Variants in HK2 observed in about 807,000 individuals in gnomAD.
The protein encoded by HK2 is hexokinase-2.
HK2 carries 42 observed loss-of-function variants against 92.9 expected under a neutral mutation model. That is an observed-to-expected ratio of 0.45 (90% confidence interval 0.35 to 0.58). The LOEUF is 0.58. HK2 is among the 20% of genes least tolerant of loss of function. The probability of loss-of-function intolerance (pLI) is 0.00; values close to 1 mark genes in which losing one functional copy is unlikely to be tolerated. For missense variants in HK2, 978 were observed against 1,245.1 expected (o/e 0.79, Z 3.23); for synonymous variants, 422 against 468.0 (o/e 0.90, Z 1.27).
chr2:74,860,371 TACCA>T, intron 2 of HK2, among the ~76,000 whole-genome samples: 1 of 152,148 alleles, frequency 6.6e-6, no homozygotes, highest in Non-Finnish European at 1.5e-5. Context: ...TACAGAACAT[TACCA>T]TCACCCCAGA....
Position 74,854,360 on chromosome 2 carries a change from G to A in HK2, c.131G>A (p.Arg44His), listed in dbSNP as rs201380686. The change falls in exon 2 of 18, where the codon CGC becomes CAC. Residue 44 changes from arginine to histidine, a missense_variant. By Grantham distance (29) the Arg-to-His change is conservative (BLOSUM62 0). Coordinates refer to ENST00000290573, the MANE Select transcript of HK2 (RefSeq NM_000189.5). ...CTCTTGGAGATCTCTAAGCGGTTCC[G>A]CAAGGAGATGGAGAAAGGGCTTGGA... ...ETLLEISKRF[R>H]KEMEKGLGAT... 8.7e-6 allele frequency: 14 copies of A among 1,613,856 alleles called. No individual in the cohort carries two copies. The East Asian group carries it at 1.8e-4, about 21-fold the overall frequency.
chr2:74,877,014 C>A, intron 7 of HK2, 152 bp from the exon 8 acceptor site: 1 of 989,470 alleles, frequency 1.0e-6, no homozygotes, highest in Non-Finnish European at 1.6e-6. Flanking sequence ...CCCTCTGAGC[C>A]GTCACCTCTC....
At chr2:74,863,832 T>C (rs1268746122) in intron 2 of HK2, among the ~76,000 whole-genome samples, 1 of 152,166 alleles carries the variant, frequency 6.6e-6, no homozygotes, top group Non-Finnish European at 1.5e-5. Context: ...CAGGTCCCTT[T>C]AGGGGCATTA....
chr2:74,855,755 G>T (rs1222316302), intron 2 of HK2, among the ~76,000 whole-genome samples: 1 of 152,202 alleles, frequency 6.6e-6, no homozygotes, highest in East Asian at 1.9e-4. Context: ...TGGCAGTATA[G>T]GTAGAGTGGA....
At chr2:74,847,006 A>T (rs1688457894) in intron 1 of HK2, among the ~76,000 whole-genome samples, 1 of 152,228 alleles carries the variant, frequency 6.6e-6, no homozygotes, top group African/African-American at 2.4e-5. Flanking sequence ...AAGTTCAATC[A>T]GTTGGTCTTC....
At chr2:74,851,397 A>C (rs2103873556) in intron 1 of HK2, among the ~76,000 whole-genome samples, 1 of 152,370 alleles carries the variant, frequency 6.6e-6, no homozygotes, top group South Asian at 2.1e-4. Context: ...CTATGGGGCA[A>C]AAGGCAACGT....
chr2:74,874,367 G>C lies in HK2; in HGVS notation c.793G>C (p.Gly265Arg). ...MCINMEWGAF[G>R]DDGSLNDIRT... ...TATCAATATGGAGTGGGGGGCCTTC[G>C]GGGACGATGGCTCGCTCAACGACAT... The change falls in exon 7 of 18, where the codon GGG becomes CGG. Residue 265 changes from glycine to arginine, a missense_variant. Gly to Arg is a moderately radical substitution (Grantham distance 125). This residue lies in a region of HK2 where 742 missense variants were observed against 922.5 expected (regional missense o/e 0.80). Transcript: ENST00000290573. 6.2e-7 allele frequency: 1 copy of C among 1,613,990 alleles called. No individual in the cohort carries two copies. The highest frequency in any genetic ancestry group is 8.5e-7 in the Non-Finnish European group (1 of 1,179,942).
At chr2:74,863,335 G>A (rs920888384) in intron 2 of HK2, among the ~76,000 whole-genome samples, 1 of 152,196 alleles carries the variant, frequency 6.6e-6, no homozygotes, top group African/African-American at 2.4e-5. Context: ...GCTTAAAATG[G>A]TTTGAAAACA....
chr2:74,867,930 C>T, intron 3 of HK2, 146 bp downstream of exon 3: 2 of 897,578 alleles, frequency 2.2e-6, no homozygotes, highest in Non-Finnish European at 3.7e-6. Context: ...AGGGCTCCCT[C>T]TCAGCCGGAG....
chr2:74,840,878 C>CAAAAAAAAAAAAAA (rs56344068), intron 1 of HK2, among the ~76,000 whole-genome samples: 2 of 55,966 alleles, frequency 3.6e-5, no homozygotes, highest in African/African-American at 1.8e-4. Context: ...GACTCTGTCT[C>CAAAAAAAAAAAAAA]AAAAAAAAAA....
At chr2:74,860,677 T>C (rs1013073869) in intron 2 of HK2, among the ~76,000 whole-genome samples, 16 of 152,220 alleles carry the variant, frequency 1.1e-4, no homozygotes, top group African/African-American at 3.9e-4. Flanking sequence ...TTTTGGCTAT[T>C]TGAGTAAAGC....
rs759718695 is a variant in HK2, at chr2:74,892,772, A to C, written c.*1831A>C. 1 of 152,160 alleles carries C rather than the reference A, an allele frequency of 6.6e-6. No individual in the cohort carries two copies. Among genetic ancestry groups the C allele is most frequent in the Admixed American group, 6.5e-5 (1 of 15,278 alleles). The allele number at this position is 152,160 out of a possible 1,614,324, so 9.4% of individuals were successfully genotyped here. ...AGCAAAGTTGGGTGTAATTAGGTGA[A>C]AACAGCCCAGGTCCTCCCGGGAGCA... On this transcript the variant is annotated 3_prime_UTR_variant, in exon 18 of 18. Transcript: ENST00000290573.
intron 2 of HK2, among the ~76,000 whole-genome samples, chr2:74,854,945 A>C (rs1688660948): frequency 1.3e-5 from 2 of 152,228 alleles, no homozygotes; most frequent in South Asian, 4.1e-4. Flanking sequence ...GCCCCATGTA[A>C]AAAGTACTAG....
chr2:74,843,800 C>A (rs539120527), intron 1 of HK2, among the ~76,000 whole-genome samples: 1 of 152,192 alleles, frequency 6.6e-6, no homozygotes, highest in Non-Finnish European at 1.5e-5. Context: ...TCGAAACTGC[C>A]ACTTTTCCTT....
At chr2:74,890,395 C>G (rs1478089675) in intron 17 of HK2, among the ~76,000 whole-genome samples, 1 of 152,222 alleles carries the variant, frequency 6.6e-6, no homozygotes, top group African/African-American at 2.4e-5. Flanking sequence ...AATAGAAAAT[C>G]ACATTCATGA....
At chr2:74,870,617 T>C (rs1237777001) in intron 3 of HK2, among the ~76,000 whole-genome samples, 4 of 148,066 alleles carry the variant, frequency 2.7e-5, no homozygotes, top group Admixed American at 7.0e-5. Context: ...TTGACTAGAG[T>C]GCCAGGAAGA....
In HK2 at chr2:74,887,962, A is replaced by G. The variant is rs1433527792; in HGVS notation, c.2279A>G (p.Asp760Gly). Residue 760 changes from aspartate to glycine, a missense_variant, in exon 16 of 18, where the codon GAT becomes GGT. Around this residue, in one of 3 missense-constraint regions of HK2, gnomAD observed 742 missense variants for 922.5 expected, o/e 0.80. Transcript: ENST00000290573. ...LGEIVRNILI[D>G]FTKRGLLFRG... ...GAGATTGTCCGTAACATTCTCATCGATTTCACCAAGCGTGGACTACTCTTC... is the reference window on the plus strand; with the variant it reads ...GAGATTGTCCGTAACATTCTCATCGGTTTCACCAAGCGTGGACTACTCTTC... The G allele has an allele frequency of 7.4e-6, 12 of 1,614,086 alleles. No homozygotes were observed. The highest frequency in any genetic ancestry group is 1.0e-5 in the Non-Finnish European group (12 of 1,179,992).
intron 1 of HK2, among the ~76,000 whole-genome samples, chr2:74,844,118 C>CTTATGTTTCAGTTTCAT (rs1170880357): frequency 1.3e-5 from 2 of 152,214 alleles, no homozygotes; most frequent in African/African-American, 4.8e-5. Context: ...TTCAGTTTCA[C>CTTATGTTTCAGTTTCAT]TTATGTTTCA....
chr2:74,882,278 A>G (rs1187470638), intron 12 of HK2, 39 bp downstream of exon 12: 3 of 1,612,848 alleles, frequency 1.9e-6, no homozygotes, highest in Non-Finnish European at 2.5e-6. Context: ...TGTGGGCTTT[A>G]TTGACTCTAA....
Sources: gnomAD v4.1 joint callset for allele counts (sites outside exome capture counted in the v4.1 genomes callset) on GRCh38, gnomAD v4.1.1 for gene constraint, gnomAD v4.1.1 regional missense constraint, MANE v1.5 for transcripts, NCBI Gene and HGNC (gene_info 2026-07-23, HGNC 2026-07-21) for gene names.